SLC12A9: variants seen among roughly 807,000 people sequenced by gnomAD.
The protein encoded by SLC12A9 is solute carrier family 12 member 9, also known as CCC-interacting protein 1.
Under a neutral mutation model 66.0 loss-of-function variants are expected in SLC12A9, and 55 were observed. That is an observed-to-expected ratio of 0.83 (90% CI 0.67 to 1.04). The LOEUF (loss-of-function observed/expected upper bound fraction) is 1.04. Ranked by LOEUF, SLC12A9 falls within the 50% of genes least tolerant of loss-of-function variation. The pLI is 0.00. For missense variants in SLC12A9, 1,061 were observed against 1,241.9 expected (o/e 0.85, Z 2.19); for synonymous variants, 577 against 569.0 (o/e 1.01, Z -0.20).
chr7:100,863,177 G>A (rs1397982873), intron 13 of SLC12A9, among the ~76,000 whole-genome samples: 1 of 149,274 alleles, frequency 6.7e-6, no homozygotes, highest in Non-Finnish European at 1.5e-5. Flanking sequence ...TGATTCTCCT[G>A]TCTTAGCCTC....
rs147632548 is a variant in SLC12A9, at chr7:100,865,756, C to T, written c.1896C>T (p.Tyr632=). Residue 632 remains tyrosine (Y), a synonymous_variant, in exon 14 of 14, where the codon TAC becomes TAT. Coordinates refer to ENST00000354161, the MANE Select transcript of SLC12A9 (RefSeq NM_020246.4). ...CCAACACGTTGGTCCTAGGTTTCTA[C>T]GATGACGCTCCACCGCAGGACCATT... ...MKPNTLVLGF[Y]DDAPPQDHFL... 89 of 1,613,406 alleles carry T rather than the reference C, an allele frequency of 5.5e-5. 5 individuals carry two copies. The Middle Eastern group carries it at 8.6e-3, about 155-fold the overall frequency.
chr7:100,830,253 G>A (rs1031375436), intron 1 of SLC12A9, among the ~76,000 whole-genome samples: 1 of 151,696 alleles, frequency 6.6e-6, no homozygotes, highest in Admixed American at 6.6e-5. Context: ...TCGGGAGGCT[G>A]AGACAGGAGA....
chr7:100,848,713 C>T (rs950307121), upstream of SLC12A9, among the ~76,000 whole-genome samples: 23 of 151,652 alleles, frequency 1.5e-4, no homozygotes, highest in Admixed American at 3.3e-4. Flanking sequence ...GGTGAAACCC[C>T]GTCTCCACTA....
rs756372119 is a variant in SLC12A9, at chr7:100,855,837, G to A, written c.448G>A (p.Asp150Asn). ...VESVLDVFGA[D>N]ATGPSGLRVL... is the part of the protein sequence containing the mutation. ...GTCTGTGCTTGATGTCTTCGGGGCC[G>A]GTCTGTGCTCTGTCCGATCTGGGCA... Residue 150 changes from aspartate to asparagine, a missense_variant and splice_region_variant, in exon 4 of 14, where the codon GAT becomes AAT. By Grantham distance (23) the Asp-to-Asn change is conservative. Coordinates refer to ENST00000354161, the MANE Select transcript of SLC12A9 (RefSeq NM_020246.4). 14 of 1,603,464 alleles carry A rather than the reference G, an allele frequency of 8.7e-6. No homozygotes were observed. Among genetic ancestry groups the A allele is most frequent in the Admixed American group, 1.7e-5 (1 of 59,126 alleles).
At chr7:100,864,521 C>T (rs561718770) in intron 13 of SLC12A9, among the ~76,000 whole-genome samples, 160 of 115,572 alleles carry the variant, frequency 1.4e-3, no homozygotes, top group African/African-American at 4.3e-3. Flanking sequence ...GAGGTCTCTG[C>T]GTCTCCCTGT....
chr7:100,848,011 G>A (rs1284845552), upstream of SLC12A9, among the ~76,000 whole-genome samples: 1 of 150,836 alleles, frequency 6.6e-6, no homozygotes, highest in Non-Finnish European at 1.5e-5. Flanking sequence ...GCTTGAACCC[G>A]GGAGGTGGAA....
Position 100,853,707 on chromosome 7 carries a change from A to G in SLC12A9, c.-42-449A>G, listed in dbSNP as rs973548388. Among the ~76,000 whole-genome samples, 9 of 148,420 alleles carry G rather than the reference A, an allele frequency of 6.1e-5. No homozygotes were observed. The Admixed American group carries it at 6.1e-4, about 10-fold the overall frequency. On this transcript the variant is annotated intron_variant, in intron 1 of 13. Coordinates refer to ENST00000354161, the MANE Select transcript of SLC12A9 (RefSeq NM_020246.4). ...CTCCCAAGTAGCTGTGATTACAGGC[A>G]TGCACCTTCACGCTTGGCTAATTTT...
chr7:100,838,313 C>G (rs528909121), intron 1 of SLC12A9, among the ~76,000 whole-genome samples: 42 of 152,152 alleles, frequency 2.8e-4, no homozygotes, highest in African/African-American at 9.6e-4. Flanking sequence ...AAATGGGATT[C>G]GCAGGGAAGA....
intron 1 of SLC12A9, chr7:100,827,212 C>G (rs1043200386): frequency 2.9e-6 from 1 of 350,210 alleles, no homozygotes; most frequent in African/African-American, 2.2e-5. Context: ...GGCCCCGCGT[C>G]TGTGCCGCGC....
Position 100,866,629 on chromosome 7 carries a change from A to C in SLC12A9, c.*24A>C, listed in dbSNP as rs1264981222. 6.6e-7 allele frequency: 1 copy of C among 1,507,682 alleles called. No homozygotes were observed. The highest frequency in any genetic ancestry group is 1.3e-5 in the South Asian group (1 of 78,458). The allele number at this position is 1,507,682 out of a possible 1,614,324, so 93.4% of individuals were successfully genotyped here. On this transcript the variant is annotated 3_prime_UTR_variant, in exon 14 of 14. Transcript: ENST00000354161. The surrounding 1 kb of genome is among the most constrained non-coding windows in gnomAD (Gnocchi z 7.3). ...GATGCCCCTGCCTCCAGGGCTAGGT[A>C]GAGAGGGCCCAGGCAGGCGGCCTAT...
chr7:100,853,143 G>GT (rs1270259157), intron 1 of SLC12A9: 1 of 152,062 alleles, frequency 6.6e-6, no homozygotes, highest in East Asian at 1.9e-4. Flanking sequence ...GGAGGGTGGG[G>GT]TTTTGAAAGA....
chr7:100,866,354 G>A lies in SLC12A9; in HGVS notation c.2494G>A (p.Ala832Thr). The A allele has an allele frequency of 6.6e-7, 1 of 1,511,042 alleles. No homozygotes were observed. Among genetic ancestry groups the A allele is most frequent in the Non-Finnish European group, 8.9e-7 (1 of 1,126,214 alleles). 93.6% of individuals were successfully genotyped at this position (1,511,042 alleles called of 1,614,324 possible). Residue 832 changes from alanine (A) to threonine (T), a missense_variant, in exon 14 of 14, where the codon GCC (alanine) becomes ACC (threonine). By Grantham distance (58) the Ala-to-Thr change is moderately conservative (BLOSUM62 0). Coordinates refer to ENST00000354161, the MANE Select transcript of SLC12A9 (RefSeq NM_020246.4). This position sits in a 1 kb window ranked among gnomAD's most constrained non-coding sequence, Gnocchi z 7.3. ...TGGGCGGGGAGACGCAGAGGCAGAG[G>A]CCCTGGCACGCAGCGCCAACGCCCT... is the stretch of plus-strand genomic sequence containing the variant. Reference protein sequence around the residue: ...NSGRGDAEAEALARSANALVR... With the variant: ...NSGRGDAEAETLARSANALVR...
rs1034523156 is a variant in SLC12A9, at chr7:100,860,007, G to A, written c.1100G>A (p.Arg367His). Residue 367 changes from arginine (R) to histidine (H), a missense_variant, in exon 8 of 14, where the codon CGC becomes CAC. Arg to His is a conservative substitution (Grantham distance 29). Coordinates refer to ENST00000354161, the MANE Select transcript of SLC12A9 (RefSeq NM_020246.4). Reference sequence around the variant, plus strand: ...ATGAGCTCGCTCATTGGTGCCTCCCGCATCCTCCATGCCCTGGCCCGGGAT... The same window carrying A: ...ATGAGCTCGCTCATTGGTGCCTCCCACATCCTCCATGCCCTGGCCCGGGAT... ...ASMSSLIGASRILHALARDDL... is the reference protein window; with the variant it reads ...ASMSSLIGASHILHALARDDL... 2.5e-5 allele frequency: 41 copies of A among 1,613,620 alleles called. No homozygotes were observed. Among genetic ancestry groups the A allele is most frequent in the Non-Finnish European group, 3.2e-5 (38 of 1,179,718 alleles).
chr7:100,847,951 T>C (rs1450531463), upstream of SLC12A9, among the ~76,000 whole-genome samples: 1 of 151,446 alleles, frequency 6.6e-6, no homozygotes, highest in Non-Finnish European at 1.5e-5. Context: ...CCAGGCATGG[T>C]GGCACGTGCC....
chr7:100,845,359 TA>T (rs1459480646), intron 1 of SLC12A9, among the ~76,000 whole-genome samples: 2 of 151,594 alleles, frequency 1.3e-5, no homozygotes, highest in African/African-American at 2.4e-5. Context: ...TTTATTTATT[TA>T]TTTTTTTGAG....
chr7:100,841,172 A>G (rs1263807905), intron 1 of SLC12A9, among the ~76,000 whole-genome samples: 1 of 152,150 alleles, frequency 6.6e-6, no homozygotes, highest in East Asian at 1.9e-4. Flanking sequence ...AAAGAAAGAA[A>G]TATTTGTAAT....
At chr7:100,848,308 C>G (rs1460877036), upstream of SLC12A9, among the ~76,000 whole-genome samples, 1 of 151,370 alleles carries the variant, frequency 6.6e-6, no homozygotes, top group African/African-American at 2.4e-5. Flanking sequence ...AGTTCAAGAC[C>G]AGCCTGGGCA....
Position 100,859,089 on chromosome 7 carries a change from C to T in SLC12A9, c.905C>T (p.Thr302Met), listed in dbSNP as rs144447119. ...CCCAGCCGGGCGATCCCTCTGGGCA[C>T]GATCGTCGCCGTCGCCTACACCTTC... is the stretch of plus-strand genomic sequence containing the variant. ...KDPSRAIPLG[T>M]IVAVAYTFFV... Residue 302 changes from threonine to methionine, a missense_variant, in exon 7 of 14, where the codon ACG (threonine) becomes ATG (methionine). Thr to Met is a moderately conservative substitution (Grantham distance 81). Coordinates refer to ENST00000354161, the MANE Select transcript of SLC12A9 (RefSeq NM_020246.4). The T allele has an allele frequency of 8.7e-5, 141 of 1,613,856 alleles. No homozygotes were observed. Among genetic ancestry groups the T allele is most frequent in the Non-Finnish European group, 1.1e-4 (125 of 1,180,032 alleles).
upstream of SLC12A9, among the ~76,000 whole-genome samples, chr7:100,852,149 A>G (rs574145220): frequency 1.3e-5 from 2 of 152,344 alleles, no homozygotes; most frequent in Admixed American, 6.5e-5. Context: ...GAGGCAAGAA[A>G]GCGGGCATCA....
Sources: gnomAD v4.1 joint callset for allele counts (sites outside exome capture counted in the v4.1 genomes callset) on GRCh38, gnomAD v4.1.1 for gene constraint, Gnocchi (gnomAD v3.1) non-coding constraint, MANE v1.5 for transcripts, NCBI Gene and HGNC (gene_info 2026-07-23, HGNC 2026-07-21) for gene names.